The following AKNA variants were observed in gnomAD, a reference collection of about 807,000 sequenced individuals.
The protein encoded by AKNA is microtubule organization protein AKNA.
In AKNA, 67 loss-of-function variants were observed where a neutral mutation model predicts 138.8. The ratio of observed to expected loss-of-function variants is 0.48; its 90% confidence interval spans 0.40 to 0.59. AKNA has a LOEUF of 0.59. AKNA is among the 20% of genes least tolerant of loss of function. The pLI is 0.00. For missense variants in AKNA, 1,813 were observed against 1,880.4 expected (o/e 0.96, Z 0.66); for synonymous variants, 737 against 754.4 (o/e 0.98, Z 0.38).
intron 15 of AKNA, among the ~76,000 whole-genome samples, chr9:114,349,196 C>A (rs759557946): frequency 2.6e-4 from 40 of 152,190 alleles, no homozygotes; most frequent in Middle Eastern, 3.2e-3. Context: ...AAAAGACTTA[C>A]CAGGCCGGGG....
chr9:114,344,053 A>C, intron 18 of AKNA: 1 of 391,658 alleles, frequency 2.6e-6, no homozygotes, highest in Non-Finnish European at 4.6e-6. Flanking sequence ...CTTTCTCCAG[A>C]CTCCTATTCT....
At chr9:114,354,372 CCTT>C (rs1454329774) in intron 14 of AKNA, among the ~76,000 whole-genome samples, 4 of 152,142 alleles carry the variant, frequency 2.6e-5, no homozygotes, top group Admixed American at 2.0e-4. Flanking sequence ...GATAACAACA[CCTT>C]CTTCTGGAAT....
chr9:114,385,536 C>G (rs1403381842), intron 1 of AKNA, among the ~76,000 whole-genome samples: 2 of 152,202 alleles, frequency 1.3e-5, no homozygotes, highest in African/African-American at 4.8e-5. Context: ...TTTTCTAGCT[C>G]TGCCACAGAG....
In AKNA at chr9:114,343,708, C is replaced by T; in HGVS notation, c.3757G>A (p.Gly1253Ser). ...CAGTTTTCCAGGTGCCATTCCTTACCCGCATCCTGGGTCCTAATGGGCCGG... is the reference window on the plus strand; with the variant it reads ...CAGTTTTCCAGGTGCCATTCCTTACTCGCATCCTGGGTCCTAATGGGCCGG... Reference protein sequence around the residue: ...HCRPIRTQDAGGAVTGDPLGP... With the variant: ...HCRPIRTQDASGAVTGDPLGP... Residue 1253 changes from glycine to serine, a missense_variant and splice_region_variant, in exon 19 of 22, where the codon GGT (glycine) becomes AGT (serine). Gly to Ser is a moderately conservative substitution (Grantham distance 56). Transcript: ENST00000374088. 1 of 1,614,198 alleles carries T rather than the reference C, an allele frequency of 6.2e-7. No individual in the cohort carries two copies. The highest frequency in any genetic ancestry group is 1.6e-4 in the Middle Eastern group (1 of 6,062).
At chr9:114,362,382 C>T (rs1038502702) in intron 8 of AKNA, 24 bp downstream of exon 8, 42 of 1,601,722 alleles carry the variant, frequency 2.6e-5, no homozygotes, top group Non-Finnish European at 3.5e-5. Flanking sequence ...TCTGTCCTTC[C>T]AGGCCTTCCA....
At chr9:114,332,785 T>C (rs1447754202), downstream of AKNA, among the ~76,000 whole-genome samples, 2 of 152,166 alleles carry the variant, frequency 1.3e-5, no homozygotes, top group Non-Finnish European at 2.9e-5. Flanking sequence ...TTGTGAGGAA[T>C]TCAGGAGCTG....
At chr9:114,388,567 G>A (rs531514737), upstream of AKNA, among the ~76,000 whole-genome samples, 7 of 152,232 alleles carry the variant, frequency 4.6e-5, no homozygotes, top group Admixed American at 1.3e-4. Flanking sequence ...GGGCAGCATG[G>A]AGGTGTGAAC....
At chr9:114,392,729 C>T (rs768360883), upstream of AKNA, among the ~76,000 whole-genome samples, 11 of 152,188 alleles carry the variant, frequency 7.2e-5, no homozygotes, top group Admixed American at 3.3e-4. Context: ...CCAGGTCTAG[C>T]GATGAGTCCT....
At chr9:114,377,641 G>T in intron 2 of AKNA, 109 bp from the exon 3 acceptor site, 1 of 1,142,056 alleles carries the variant, frequency 8.8e-7, no homozygotes, top group Non-Finnish European at 1.2e-6. Flanking sequence ...ATCACGTGGG[G>T]ATGGAAAGAA....
At chr9:114,357,265 G>A (rs1831565691) in intron 12 of AKNA, among the ~76,000 whole-genome samples, 1 of 152,238 alleles carries the variant, frequency 6.6e-6, no homozygotes, top group Admixed American at 6.5e-5. Flanking sequence ...GGACTAGCAA[G>A]GGGAGAGGGA....
At chr9:114,388,845 C>T (rs1231258723), upstream of AKNA, among the ~76,000 whole-genome samples, 1 of 152,160 alleles carries the variant, frequency 6.6e-6, no homozygotes, top group Non-Finnish European at 1.5e-5. Context: ...TGTATAATTT[C>T]AAGGAGAGAG....
chr9:114,364,709 G>T, intron 6 of AKNA, 90 bp from the exon 7 acceptor site: 1 of 1,364,718 alleles, frequency 7.3e-7, no homozygotes, highest in Non-Finnish European at 1.0e-6. Flanking sequence ...GGTAAGAGGA[G>T]CTGGGTCCGT....
downstream of AKNA, chr9:114,330,720 A>T: frequency 3.1e-6 from 5 of 1,596,960 alleles, no homozygotes; most frequent in Non-Finnish European, 4.3e-6. Flanking sequence ...TTGCCCCGGG[A>T]CTGTGATGGG....
downstream of AKNA, among the ~76,000 whole-genome samples, chr9:114,332,367 C>T (rs1263573426): frequency 3.3e-5 from 5 of 152,062 alleles, no homozygotes; most frequent in Non-Finnish European, 5.9e-5. Context: ...AGTCACCATC[C>T]CGATTTTTGC....
chr9:114,378,888 C>A (rs1460197677), intron 2 of AKNA, among the ~76,000 whole-genome samples: 2 of 152,202 alleles, frequency 1.3e-5, no homozygotes, highest in African/African-American at 4.8e-5. Context: ...AGTTTGGGTA[C>A]CACCAGGCAT....
At chr9:114,346,234 C>T (rs949801550) in intron 17 of AKNA, among the ~76,000 whole-genome samples, 2 of 152,178 alleles carry the variant, frequency 1.3e-5, no homozygotes, top group African/African-American at 2.4e-5. Context: ...AGCAATCCCA[C>T]GATGTGGACA....
Position 114,347,508 on chromosome 9 carries a change from C to T in AKNA, c.3398+216G>A, listed in dbSNP as rs1035881515. Among the ~76,000 whole-genome samples the T allele has an allele frequency of 7.2e-5, 11 of 152,324 alleles. No individual in the cohort carries two copies. The South Asian group carries it at 2.1e-3, about 29-fold the overall frequency. ...GCTGGATTACAGGCATGAGCCACTG[C>T]GCCCGGCCTATTCTTTATTATTAAC... is the stretch of plus-strand genomic sequence containing the variant. On this transcript the variant is annotated intron_variant, in intron 16 of 21. Transcript: ENST00000374088.
chr9:114,337,081 G>A lies in AKNA; in HGVS notation c.4293C>T (p.His1431=). The A allele has an allele frequency of 7.0e-7, 1 of 1,423,742 alleles. No homozygotes were observed. The highest frequency in any genetic ancestry group is 9.4e-7 in the Non-Finnish European group (1 of 1,063,572). 88.2% of individuals were successfully genotyped at this position (1,423,742 alleles called of 1,614,324 possible). ...SSLSADLRQA[H]SLRGSCLF is the part of the protein sequence containing the mutation. Reference sequence around the variant, plus strand: ...AGAAGAGGCAGGAGCCCCGCAGGCTGTGAGCCTGGCGCAGGTCGGCTGACA... The same window carrying A: ...AGAAGAGGCAGGAGCCCCGCAGGCTATGAGCCTGGCGCAGGTCGGCTGACA... Residue 1431 remains histidine, a synonymous_variant, in exon 22 of 22, where the codon CAC becomes CAT. Transcript: ENST00000374088.
At chr9:114,371,061 T>C (rs1245416025) in intron 4 of AKNA, among the ~76,000 whole-genome samples, 1 of 152,188 alleles carries the variant, frequency 6.6e-6, no homozygotes. Flanking sequence ...GTGAGATCAC[T>C]ATAAACCCTG....
Sources: allele counts gnomAD v4.1 joint callset (sites outside exome capture counted in the v4.1 genomes callset), GRCh38; gene constraint gnomAD v4.1.1; transcripts MANE v1.5; gene names NCBI Gene and HGNC (gene_info 2026-07-23, HGNC 2026-07-21).